Variants in ZNF277 observed in about 807,000 individuals in gnomAD.
ZNF277 encodes zinc finger protein 277.
ZNF277 carries 55 observed loss-of-function variants against 60.7 expected under a neutral mutation model. The ratio of observed to expected loss-of-function variants is 0.91; its 90% CI spans 0.73 to 1.13. The LOEUF (loss-of-function observed/expected upper bound fraction) is 1.13, where lower values mean the gene tolerates loss of function less well. Ranked by LOEUF, ZNF277 falls within the 50% of genes most tolerant of loss-of-function variation. The pLI, the probability that ZNF277 is intolerant of heterozygous loss-of-function variation, is 0.00. For synonymous variants in ZNF277, 178 were observed against 179.3 expected (o/e 0.99, Z 0.06); for missense variants, 510 against 523.0 (o/e 0.98, Z 0.24).
intron 4 of ZNF277, among the ~76,000 whole-genome samples, chr7:112,302,145 A>G (rs369685188): frequency 6.6e-6 from 1 of 152,218 alleles, no homozygotes; most frequent in South Asian, 2.1e-4. Context: ...TCAGCTTGAG[A>G]TATCATTCAT....
At chr7:112,269,208 T>G (rs1791612851) in intron 1 of ZNF277, among the ~76,000 whole-genome samples, 1 of 56,442 alleles carries the variant, frequency 1.8e-5, no homozygotes, top group East Asian at 1.6e-3. Flanking sequence ...TGGATTTTTT[T>G]TGTTTTTTTT....
chr7:112,339,274 A>G (rs1261542722), intron 9 of ZNF277, among the ~76,000 whole-genome samples: 4 of 152,344 alleles, frequency 2.6e-5, no homozygotes, highest in Admixed American at 2.0e-4. Context: ...AATGGATAAC[A>G]TTGTAAATTA....
intron 5 of ZNF277, among the ~76,000 whole-genome samples, chr7:112,325,499 G>T (rs1793072997): frequency 6.6e-6 from 1 of 152,192 alleles, no homozygotes; most frequent in South Asian, 2.1e-4. Flanking sequence ...TTAAGTATGT[G>T]GCCAGGGTAG....
intron 6 of ZNF277, among the ~76,000 whole-genome samples, chr7:112,329,379 T>C (rs1433447609): frequency 6.6e-6 from 1 of 152,186 alleles, no homozygotes; most frequent in Non-Finnish European, 1.5e-5. Context: ...AAACTGGTAA[T>C]CACTGCTTCA....
chr7:112,258,584 C>T (rs966970289), intron 1 of ZNF277, among the ~76,000 whole-genome samples: 1 of 152,048 alleles, frequency 6.6e-6, no homozygotes, highest in East Asian at 1.9e-4. Context: ...TCCAAATAAG[C>T]GGCCTATGGC....
chr7:112,210,465 G>GTTTTT (rs66533644), intron 1 of ZNF277, among the ~76,000 whole-genome samples: 1 of 132,680 alleles, frequency 7.5e-6, no homozygotes, highest in African/African-American at 2.7e-5. Context: ...TTTGTTTTTT[G>GTTTTT]TTTTTTTTTT....
Position 112,209,717 on chromosome 7 carries a change from G to A in ZNF277, c.91+2910G>A, listed in dbSNP as rs536466185. ...AAAATCTTTTCAAAGCCAACAAGGT[G>A]TGATATAAATTTTAGGTGTAAATAT... On this transcript the variant is annotated intron_variant, in intron 1 of 11. Transcript: ENST00000361822. Among the ~76,000 whole-genome samples the A allele has an allele frequency of 3.3e-5, 5 of 152,246 alleles. No homozygotes were observed. In the East Asian group the frequency reaches 9.6e-4, roughly 29 times the overall value.
chr7:112,312,225 A>T (rs13438058), intron 4 of ZNF277, among the ~76,000 whole-genome samples: 9,001 of 151,960 alleles, frequency 0.059, 717 homozygotes, highest in African/African-American at 0.18. Context: ...GGAAAAAAAA[A>T]TTTTTTCTAT....
rs563292290 is a variant in ZNF277, at chr7:112,274,050, T to C, written c.92-12823T>C. 4.5e-4 allele frequency among the ~76,000 whole-genome samples: 68 copies of C among 151,218 alleles called. 1 individual carries two copies. In the South Asian group the frequency reaches 0.014, roughly 30 times the overall value. ...ATTAATATATAGTATGAGATATATA[T>C]ATATATATATCTTGTTAGAAAAGTT... is the stretch of plus-strand genomic sequence containing the variant. On this transcript the variant is annotated intron_variant, in intron 1 of 11. Transcript: ENST00000361822.
chr7:112,257,000 G>A (rs1791328089), intron 1 of ZNF277, among the ~76,000 whole-genome samples: 1 of 152,062 alleles, frequency 6.6e-6, no homozygotes. Context: ...TAATTTATTT[G>A]GAAACATCTC....
rs1284273809 is a variant in ZNF277, at chr7:112,336,217, A to G, written c.869+46A>G. On this transcript the variant is annotated intron_variant, in intron 8 of 11. Transcript: ENST00000361822. ...TAATTAATTGCAGTGTTCCAAGAGT[A>G]AGAAGACAATGCTTTAGTTTGGTTT... 12 of 1,532,646 alleles carry G rather than the reference A, an allele frequency of 7.8e-6. 1 individual carries two copies. The African/African-American group carries it at 1.5e-4, about 20-fold the overall frequency. The allele number at this position is 1,532,646 out of a possible 1,614,324, so 94.9% of individuals were successfully genotyped here.
intron 1 of ZNF277, among the ~76,000 whole-genome samples, chr7:112,232,042 CATATATATATAT>C (rs67934905): frequency 0.093 from 12,322 of 132,904 alleles, 673 homozygotes; most frequent in Non-Finnish European, 0.11. Context: ...TAAATAAATA[CATATATATATAT>C]ATATATATAT....
intron 1 of ZNF277, among the ~76,000 whole-genome samples, chr7:112,228,438 C>T (rs1253284987): frequency 9.8e-5 from 10 of 102,458 alleles, no homozygotes; most frequent in Admixed American, 7.9e-4. Flanking sequence ...CATGTTCTTT[C>T]TGGAAGAGGA....
chr7:112,302,038 G>A (rs573648274), intron 4 of ZNF277, among the ~76,000 whole-genome samples: 2 of 152,044 alleles, frequency 1.3e-5, no homozygotes, highest in East Asian at 1.9e-4. Context: ...TGTGGTATTC[G>A]TTAAGTTCTC....
At chr7:112,268,306 T>G (rs995314619) in intron 1 of ZNF277, among the ~76,000 whole-genome samples, 5 of 151,632 alleles carry the variant, frequency 3.3e-5, no homozygotes, top group African/African-American at 1.2e-4. Flanking sequence ...AGTGACTGAG[T>G]ATTTTGAATC....
chr7:112,241,262 C>G (rs1790943007), intron 1 of ZNF277, among the ~76,000 whole-genome samples: 1 of 152,064 alleles, frequency 6.6e-6, no homozygotes, highest in African/African-American at 2.4e-5. Context: ...TGAAAAGGTA[C>G]TCAACATAAC....
intron 1 of ZNF277, among the ~76,000 whole-genome samples, chr7:112,248,614 A>C (rs944258064): frequency 6.6e-6 from 1 of 152,084 alleles, no homozygotes; most frequent in Non-Finnish European, 1.5e-5. Context: ...AATCACTGTT[A>C]ATCTTTTAGT....
At chr7:112,236,309 C>G (rs1790783982) in intron 1 of ZNF277, among the ~76,000 whole-genome samples, 1 of 152,038 alleles carries the variant, frequency 6.6e-6, no homozygotes, top group African/African-American at 2.4e-5. Flanking sequence ...TGTAAATAGT[C>G]TCTTGAAATT....
chr7:112,336,494 T>A (rs922153280), intron 8 of ZNF277, among the ~76,000 whole-genome samples: 1 of 152,190 alleles, frequency 6.6e-6, no homozygotes, highest in African/African-American at 2.4e-5. Flanking sequence ...CTTTGAACTC[T>A]CCATGTTGCT....
Sources: allele counts gnomAD v4.1 joint callset (sites outside exome capture counted in the v4.1 genomes callset), GRCh38; gene constraint gnomAD v4.1.1; transcripts MANE v1.5; gene names NCBI Gene and HGNC (gene_info 2026-07-23, HGNC 2026-07-21).